Variants in RORA observed in about 807,000 individuals in gnomAD.
RORA encodes the protein nuclear receptor ROR-alpha.
Under a neutral mutation model 69.5 loss-of-function variants are expected in RORA, and 7 were observed. The ratio of observed to expected loss-of-function variants is 0.10; its 90% CI spans 0.06 to 0.19. RORA has a LOEUF of 0.19. Ranked by LOEUF, RORA falls within the 10% of genes least tolerant of loss-of-function variation. RORA has a pLI of 1.00. For synonymous variants in RORA, 261 were observed against 240.8 expected (o/e 1.08, Z -0.78); for missense variants, 457 against 663.0 (o/e 0.69, Z 3.41).
At chr15:60,591,863 G>A (rs2068526387) in intron 2 of RORA, among the ~76,000 whole-genome samples, 4 of 151,940 alleles carry the variant, frequency 2.6e-5, no homozygotes, top group Admixed American at 2.6e-4. Flanking sequence ...GAGGCGCTCG[G>A]GGACGCAGGG....
intron 1 of RORA, among the ~76,000 whole-genome samples, chr15:61,026,472 T>C (rs1895820168): frequency 6.6e-6 from 1 of 152,218 alleles, no homozygotes; most frequent in African/African-American, 2.4e-5. Flanking sequence ...TATTTGGGTA[T>C]TTAAGTGCAA....
At chr15:61,140,054 G>C (rs1257715317) in intron 1 of RORA, among the ~76,000 whole-genome samples, 1 of 152,076 alleles carries the variant, frequency 6.6e-6, no homozygotes, top group Non-Finnish European at 1.5e-5. Context: ...GTAACCACTG[G>C]TGTGCATATA....
At chr15:61,181,068 C>T (rs946183213) in intron 1 of RORA, among the ~76,000 whole-genome samples, 4 of 139,956 alleles carry the variant, frequency 2.9e-5, no homozygotes, top group Non-Finnish European at 6.0e-5. Context: ...CATGCCACTG[C>T]ATTCCAGCCA....
At chr15:60,705,610 T>C (rs2071050742) in intron 1 of RORA, among the ~76,000 whole-genome samples, 1 of 152,226 alleles carries the variant, frequency 6.6e-6, no homozygotes, top group South Asian at 2.1e-4. Flanking sequence ...TTGTAGTGTC[T>C]ATTTTCTTTG....
intron 1 of RORA, among the ~76,000 whole-genome samples, chr15:60,724,808 A>G (rs1595661935): frequency 6.6e-6 from 1 of 152,158 alleles, no homozygotes; most frequent in East Asian, 1.9e-4. Context: ...TGACTGAATG[A>G]ATGAGGGTCC....
intron 2 of RORA, chr15:60,556,821 C>T (rs2067375036): frequency 1.3e-6 from 2 of 1,525,706 alleles, no homozygotes; most frequent in South Asian, 1.1e-5. Flanking sequence ...AATGAAGAAA[C>T]CTTGCAAATT....
At chr15:61,156,350 G>T (rs927565683) in intron 1 of RORA, among the ~76,000 whole-genome samples, 6 of 152,152 alleles carry the variant, frequency 3.9e-5, no homozygotes, top group African/African-American at 1.4e-4. Context: ...GCCTGAGATA[G>T]TCGGTTCCTT....
At chr15:60,515,258 G>T (rs943422261) in intron 3 of RORA, among the ~76,000 whole-genome samples, 1 of 152,150 alleles carries the variant, frequency 6.6e-6, no homozygotes, top group Non-Finnish European at 1.5e-5. Context: ...CCCTTTAGGC[G>T]TTTCTCACTC....
chr15:60,883,148 A>G lies in RORA; in HGVS notation c.167-204462T>C, dbSNP rs868735430. On this transcript the variant is annotated intron_variant, in intron 1 of 10. Transcript: ENST00000335670. The stretch of plus-strand genomic sequence containing the variant: ...ATCGTCTCAAAAAAAAAAAAAAAAA[A>G]AAAGAAAGAGAGAGAGAGAGAGAGA... Among the ~76,000 whole-genome samples the G allele has an allele frequency of 3.1e-4, 12 of 39,020 alleles. No individual in the cohort carries two copies. The South Asian group carries it at 9.5e-3, about 31-fold the overall frequency. 25.6% of individuals were successfully genotyped at this position (39,020 alleles called of 152,430 possible). A position where few individuals can be genotyped will look rare whatever the true frequency, so the allele number is the denominator to read the frequency against.
In RORA at chr15:60,968,771, C is replaced by T. The variant is rs138333265; in HGVS notation, c.166+260282G>A. On this transcript the variant is annotated intron_variant, in intron 1 of 10. Transcript: ENST00000335670. ...TCTTACAAATAAGAACATTCTCCTA[C>T]ATAACTAAAATATAAACATCAAAAT... 1.8e-4 allele frequency among the ~76,000 whole-genome samples: 28 copies of T among 152,012 alleles called. No homozygotes were observed. In the East Asian group the frequency reaches 3.1e-3, roughly 17 times the overall value.
At position 60,655,811 on chromosome 15, in the gene RORA, C is replaced by T. The variant is rs184098571; in HGVS notation, c.196+22846G>A. On this transcript the variant is annotated intron_variant, in intron 2 of 10. Coordinates refer to ENST00000335670, the MANE Select transcript of RORA (RefSeq NM_134261.3). ...ACACATATTCTGGGCACAGGGACTG[C>T]AGACCATAGCAACGTACCTCACCTT... Among the ~76,000 whole-genome samples, 181 of 152,304 alleles carry T rather than the reference C, an allele frequency of 1.2e-3. 1 individual carries two copies. The highest frequency in any genetic ancestry group is 1.9e-4 in the Non-Finnish European group (13 of 68,028).
intron 1 of RORA, among the ~76,000 whole-genome samples, chr15:60,920,670 C>T (rs11639075): frequency 0.32 from 49,298 of 152,114 alleles, 8,704 homozygotes; most frequent in Non-Finnish European, 0.41. Context: ...TATTGTTCAT[C>T]CTCAAAGATG....
chr15:60,938,596 G>C (rs1213165636), intron 1 of RORA, among the ~76,000 whole-genome samples: 3 of 152,150 alleles, frequency 2.0e-5, no homozygotes, highest in Admixed American at 6.5e-5. Context: ...CCTGGATACA[G>C]GTACATGGTT....
At chr15:61,153,310 C>A (rs2079414008) in intron 1 of RORA, among the ~76,000 whole-genome samples, 1 of 152,166 alleles carries the variant, frequency 6.6e-6, no homozygotes, top group Non-Finnish European at 1.5e-5. Context: ...CCATGTATAC[C>A]TAAGTGGGGT....
chr15:60,951,626 C>T (rs1454547657), intron 1 of RORA, among the ~76,000 whole-genome samples: 1 of 151,046 alleles, frequency 6.6e-6, no homozygotes, highest in East Asian at 1.9e-4. Context: ...CGATCCCACA[C>T]AAATACAAAC....
At chr15:60,759,419 G>T (rs934100442) in intron 1 of RORA, among the ~76,000 whole-genome samples, 1 of 152,172 alleles carries the variant, frequency 6.6e-6, no homozygotes, top group African/African-American at 2.4e-5. Flanking sequence ...GGTTGAGGGG[G>T]ACATGGGGGC....
chr15:61,100,925 C>T (rs1275434148), intron 1 of RORA, among the ~76,000 whole-genome samples: 4 of 152,178 alleles, frequency 2.6e-5, no homozygotes, highest in African/African-American at 9.7e-5. Context: ...ACTCAGACCA[C>T]CCTGTATATA....
intron 1 of RORA, among the ~76,000 whole-genome samples, chr15:61,127,755 C>T (rs1052329014): frequency 6.6e-6 from 1 of 152,140 alleles, no homozygotes; most frequent in African/African-American, 2.4e-5. Flanking sequence ...TCCTTGAGCT[C>T]ATTTGTCATC....
chr15:60,627,363 C>T, intron 2 of RORA: 1 of 1,614,154 alleles, frequency 6.2e-7, no homozygotes, highest in Admixed American at 1.7e-5. Flanking sequence ...CTCCTGGGGC[C>T]CCCTCATTCA....
Sources: gnomAD v4.1 joint callset for allele counts (sites outside exome capture counted in the v4.1 genomes callset) on GRCh38, gnomAD v4.1.1 for gene constraint, MANE v1.5 for transcripts, NCBI Gene and HGNC (gene_info 2026-07-23, HGNC 2026-07-21) for gene names.